The following PODXL variants were observed in gnomAD, a reference collection of about 807,000 sequenced individuals.
The protein encoded by PODXL is podocalyxin like.
In PODXL, 20 loss-of-function variants were observed where a neutral mutation model predicts 48.9. That is an observed-to-expected ratio of 0.41 (90% CI 0.29 to 0.59). PODXL has a LOEUF of 0.59. Ranked by LOEUF, PODXL falls within the 20% of genes least tolerant of loss-of-function variation. The probability of loss-of-function intolerance (pLI) is 0.31; values close to 1 mark genes in which losing one functional copy is unlikely to be tolerated. For synonymous variants in PODXL, 295 were observed against 287.4 expected (o/e 1.03, Z -0.27); for missense variants, 606 against 675.1 (o/e 0.90, Z 1.13).
chr7:131,556,368 C>A lies in PODXL; in HGVS notation c.-9G>T. ...GCCAGCGCGCAGCGCATCGTGTCGT[C>A]GCCTCTGGGCCGGGAGCAGGTGGCT... On this transcript the variant is annotated 5_prime_UTR_variant, in exon 1 of 9. Transcript: ENST00000378555. The A allele has an allele frequency of 7.2e-7, 1 of 1,388,006 alleles. No individual in the cohort carries two copies. The highest frequency in any genetic ancestry group is 1.8e-5 in the South Asian group (1 of 56,282). The allele number at this position is 1,388,006 out of a possible 1,614,324, so 86.0% of individuals were successfully genotyped here. A position where few individuals can be genotyped will look rare whatever the true frequency, so the allele number is the denominator to read the frequency against.
intron 1 of PODXL, among the ~76,000 whole-genome samples, chr7:131,522,725 T>C (rs879345783): frequency 6.6e-6 from 1 of 152,252 alleles, no homozygotes; most frequent in Non-Finnish European, 1.5e-5. Context: ...ACTCACCTAT[T>C]CTAGAGAGTT....
At chr7:131,541,297 G>C (rs1024203160) in intron 1 of PODXL, among the ~76,000 whole-genome samples, 4 of 152,218 alleles carry the variant, frequency 2.6e-5, no homozygotes, top group Admixed American at 2.0e-4. Flanking sequence ...GAATTTCTTT[G>C]GTGGTTTTTG....
chr7:131,527,804 T>C (rs541968597), intron 1 of PODXL, among the ~76,000 whole-genome samples: 1 of 152,164 alleles, frequency 6.6e-6, no homozygotes, highest in African/African-American at 2.4e-5. Flanking sequence ...TGTGTTCTCC[T>C]CCTACTGTTT....
intron 1 of PODXL, among the ~76,000 whole-genome samples, chr7:131,541,542 C>T (rs751460457): frequency 4.6e-5 from 7 of 151,972 alleles, no homozygotes; most frequent in South Asian, 4.2e-4. Context: ...AAAAATTAGC[C>T]GGGCTTGGTG....
chr7:131,538,413 G>C (rs1212410411), intron 1 of PODXL, among the ~76,000 whole-genome samples: 1 of 152,092 alleles, frequency 6.6e-6, no homozygotes, highest in East Asian at 1.9e-4. Context: ...GGGAGCACAG[G>C]GTTCAATGAC....
intron 1 of PODXL, among the ~76,000 whole-genome samples, chr7:131,517,576 C>G (rs931124071): frequency 6.6e-6 from 1 of 152,086 alleles, no homozygotes; most frequent in Non-Finnish European, 1.5e-5. Flanking sequence ...TATATTCTCT[C>G]GTGGTTCTGG....
chr7:131,556,063 AG>A (rs1391988561), intron 1 of PODXL, among the ~76,000 whole-genome samples, 196 bp downstream of exon 1: 1 of 152,238 alleles, frequency 6.6e-6, no homozygotes, highest in African/African-American at 2.4e-5. Flanking sequence ...ATCTACGCCC[AG>A]GCCCTGCACC....
At chr7:131,525,265 G>A (rs2116822737) in intron 1 of PODXL, among the ~76,000 whole-genome samples, 1 of 151,974 alleles carries the variant, frequency 6.6e-6, no homozygotes, top group East Asian at 1.9e-4. Context: ...ATGTAATGGA[G>A]ACTATGAAAA....
chr7:131,527,900 C>CTTT lies in PODXL; in HGVS notation c.101-16470_101-16468dup, dbSNP rs759943507. 3.3e-3 allele frequency among the ~76,000 whole-genome samples: 381 copies of CTTT among 116,476 alleles called. 9 individuals carry two copies. The highest frequency in any genetic ancestry group is 0.011 in the African/African-American group (287 of 26,330). 76.4% of individuals were successfully genotyped at this position (116,476 alleles called of 152,430 possible). A position where few individuals can be genotyped will look rare whatever the true frequency, so the allele number is the denominator to read the frequency against. ...TTGGCCTTCACTGGATAGTCAGACA[C>CTTT]TTTTTTTTTTTTTTTTTTTTTGAGA... On this transcript the variant is annotated intron_variant, in intron 1 of 8. Transcript: ENST00000378555.
chr7:131,555,316 G>C (rs1787504738), intron 1 of PODXL, among the ~76,000 whole-genome samples: 1 of 152,218 alleles, frequency 6.6e-6, no homozygotes, highest in African/African-American at 2.4e-5. Context: ...CTCCCGTGGG[G>C]CTGAGCTGAC....
At chr7:131,551,691 C>G (rs550088710) in intron 1 of PODXL, among the ~76,000 whole-genome samples, 2 of 151,916 alleles carry the variant, frequency 1.3e-5, no homozygotes. Flanking sequence ...GATCCCAGCA[C>G]TTTGGGAGGC....
chr7:131,512,974 G>A (rs939529297), intron 1 of PODXL, among the ~76,000 whole-genome samples: 16 of 129,666 alleles, frequency 1.2e-4, no homozygotes, highest in Non-Finnish European at 6.2e-5. Flanking sequence ...CAGCCTGGGC[G>A]ACTGAGCAAG....
At chr7:131,517,547 T>G (rs1452951299) in intron 1 of PODXL, among the ~76,000 whole-genome samples, 1 of 152,156 alleles carries the variant, frequency 6.6e-6, no homozygotes, top group Non-Finnish European at 1.5e-5. Context: ...ACAAACTAGG[T>G]GGCTACAAAC....
At chr7:131,534,377 G>A (rs549790373) in intron 1 of PODXL, among the ~76,000 whole-genome samples, 1 of 152,340 alleles carries the variant, frequency 6.6e-6, no homozygotes, top group East Asian at 1.9e-4. Context: ...TGGAGGGAGG[G>A]GCTTTCCGGC....
At chr7:131,522,832 G>T (rs2116816979) in intron 1 of PODXL, among the ~76,000 whole-genome samples, 1 of 152,210 alleles carries the variant, frequency 6.6e-6, no homozygotes, top group Non-Finnish European at 1.5e-5. Context: ...TGTTTTCCTG[G>T]TTCATCCATG....
rs752021938 is a variant in PODXL, at chr7:131,556,219, G to A, written c.100+41C>T. ...GCTCGGCCGGGCAGGGGGCACATGGGCACGGTGGGAGTCCCGGCGGAACCC... is the reference window on the plus strand; with the variant it reads ...GCTCGGCCGGGCAGGGGGCACATGGACACGGTGGGAGTCCCGGCGGAACCC... On this transcript the variant is annotated intron_variant, in intron 1 of 8. Transcript: ENST00000378555. The A allele has an allele frequency of 4.2e-6, 6 of 1,430,696 alleles. No individual in the cohort carries two copies. In the East Asian group the frequency reaches 1.8e-4, roughly 42 times the overall value. The allele number at this position is 1,430,696 out of a possible 1,614,324, so 88.6% of individuals were successfully genotyped here.
chr7:131,521,709 T>C (rs1181233874), intron 1 of PODXL, among the ~76,000 whole-genome samples: 3 of 152,184 alleles, frequency 2.0e-5, no homozygotes, highest in African/African-American at 4.8e-5. Flanking sequence ...CTGTGAGCTG[T>C]AGGCATTGTA....
At chr7:131,516,736 C>CTTTTTTTTTTTTTT (rs58722955) in intron 1 of PODXL, among the ~76,000 whole-genome samples, 2 of 125,640 alleles carry the variant, frequency 1.6e-5, no homozygotes, top group Non-Finnish European at 3.2e-5. Flanking sequence ...TTTTTTTTCT[C>CTTTTTTTTTTTTTT]TTTTTTTTTT....
Position 131,510,997 on chromosome 7 carries a change from C to G in PODXL, c.537G>C (p.Thr179=), listed in dbSNP as rs1464530000. Residue 179 remains threonine, a synonymous_variant, in exon 2 of 9, where the codon ACG becomes ACC. Coordinates refer to ENST00000378555, the MANE Select transcript of PODXL (RefSeq NM_001018111.3). The part of the protein sequence containing the change: ...DLTSTKAEHL[T]TPHPTSPLSP... ...TAAGTGGACTTGTAGGGTGAGGGGT[C>G]GTCAGATGTTCTGCCTTAGTGGATG... is the stretch of plus-strand genomic sequence containing the variant. 1.2e-6 allele frequency: 2 copies of G among 1,614,028 alleles called. No homozygotes were observed. Among genetic ancestry groups the G allele is most frequent in the Non-Finnish European group, 8.5e-7 (1 of 1,180,002 alleles).
Sources: gnomAD v4.1 joint callset for allele counts (sites outside exome capture counted in the v4.1 genomes callset) on GRCh38, gnomAD v4.1.1 for gene constraint, MANE v1.5 for transcripts, NCBI Gene and HGNC (gene_info 2026-07-23, HGNC 2026-07-21) for gene names.